Variants in SGCZ observed in about 807,000 individuals in gnomAD.
SGCZ encodes the protein zeta-sarcoglycan.
In SGCZ, 40 loss-of-function variants were observed where a neutral mutation model predicts 41.3. The ratio of observed to expected loss-of-function variants is 0.97; its 90% CI spans 0.75 to 1.26. SGCZ has a LOEUF of 1.26. SGCZ is among the 50% of genes most tolerant of loss of function. The pLI is 0.00. For missense variants in SGCZ, 552 were observed against 369.8 expected (o/e 1.49, Z -4.04); for synonymous variants, 206 against 137.5 (o/e 1.50, Z -3.49).
At chr8:14,582,869 T>G (rs546757343) in intron 1 of SGCZ, among the ~76,000 whole-genome samples, 2 of 151,604 alleles carry the variant, frequency 1.3e-5, no homozygotes, top group Non-Finnish European at 2.9e-5. Flanking sequence ...TAGTATTCCA[T>G]GGTGTATATG....
At chr8:14,189,576 G>T (rs1036694748) in intron 4 of SGCZ, among the ~76,000 whole-genome samples, 42 of 152,134 alleles carry the variant, frequency 2.8e-4, no homozygotes, top group African/African-American at 1.0e-3. Flanking sequence ...TTTGCTCATT[G>T]TTTTATTTAG....
intron 4 of SGCZ, among the ~76,000 whole-genome samples, chr8:14,181,849 G>C (rs373588657): frequency 1.3e-5 from 2 of 152,132 alleles, no homozygotes; most frequent in East Asian, 1.9e-4. Flanking sequence ...TTAGCAGCCT[G>C]AGAACAGACT....
intron 1 of SGCZ, among the ~76,000 whole-genome samples, chr8:14,619,218 A>C (rs1426756772): frequency 2.0e-5 from 3 of 152,106 alleles, no homozygotes; most frequent in Non-Finnish European, 4.4e-5. Flanking sequence ...GATGCAGAAA[A>C]GGCCTTTGAC....
chr8:14,283,135 C>T (rs906099008), intron 3 of SGCZ, among the ~76,000 whole-genome samples: 1 of 151,958 alleles, frequency 6.6e-6, no homozygotes, highest in Admixed American at 6.6e-5. Context: ...AAGTGTGAGC[C>T]ACTGTGCCCA....
At chr8:14,108,704 C>A (rs995200198) in intron 5 of SGCZ, among the ~76,000 whole-genome samples, 8 of 151,924 alleles carry the variant, frequency 5.3e-5, no homozygotes, top group Non-Finnish European at 1.0e-4. Context: ...AGAGCCAAAC[C>A]GTATCACAGG....
At chr8:14,591,359 A>G (rs1805234265) in intron 1 of SGCZ, among the ~76,000 whole-genome samples, 1 of 151,976 alleles carries the variant, frequency 6.6e-6, no homozygotes, top group South Asian at 2.1e-4. Context: ...AAATGAATTG[A>G]TATGTTATTA....
intron 1 of SGCZ, among the ~76,000 whole-genome samples, chr8:14,938,972 C>T (rs1800176966): frequency 6.6e-6 from 1 of 152,090 alleles, no homozygotes; most frequent in African/African-American, 2.4e-5. Context: ...CCAAGACTGC[C>T]TCAGTGTCTT....
chr8:14,104,494 C>T (rs186349461), intron 6 of SGCZ, among the ~76,000 whole-genome samples: 59 of 151,932 alleles, frequency 3.9e-4, no homozygotes, highest in African/African-American at 1.3e-3. Context: ...AGAATTCAGA[C>T]TTTAAAACAA....
chr8:14,197,280 T>C (rs1267641063), intron 4 of SGCZ, among the ~76,000 whole-genome samples: 3 of 152,114 alleles, frequency 2.0e-5, no homozygotes, highest in Non-Finnish European at 4.4e-5. Context: ...AAGGGAACAC[T>C]TCACAACTTA....
chr8:14,565,368 G>T (rs534101144), intron 1 of SGCZ, among the ~76,000 whole-genome samples: 9 of 151,380 alleles, frequency 5.9e-5, no homozygotes, highest in Non-Finnish European at 1.3e-4. Context: ...TTTTAACTTT[G>T]AAATCATTTC....
At chr8:14,877,226 C>A (rs1804397779) in intron 1 of SGCZ, among the ~76,000 whole-genome samples, 3 of 152,082 alleles carry the variant, frequency 2.0e-5, no homozygotes, top group South Asian at 4.1e-4. Flanking sequence ...CCAGCCTTAG[C>A]CTCTCAAAGT....
chr8:14,179,480 G>A (rs897145383), intron 4 of SGCZ, among the ~76,000 whole-genome samples: 1 of 152,182 alleles, frequency 6.6e-6, no homozygotes, highest in Non-Finnish European at 1.5e-5. Context: ...CATCCCCACT[G>A]TCTGTCACAG....
chr8:14,983,682 A>G (rs780944946), intron 1 of SGCZ, among the ~76,000 whole-genome samples: 3 of 152,084 alleles, frequency 2.0e-5, no homozygotes, highest in Non-Finnish European at 2.9e-5. Flanking sequence ...TATTCCTTTG[A>G]GGTGAATTCT....
At chr8:15,173,784 G>A (rs1269091582) in intron 1 of SGCZ, among the ~76,000 whole-genome samples, 1 of 152,116 alleles carries the variant, frequency 6.6e-6, no homozygotes, top group African/African-American at 2.4e-5. Flanking sequence ...ACACCACCCA[G>A]GCTGAAATGC....
At chr8:14,445,352 G>T (rs1800400733) in intron 2 of SGCZ, among the ~76,000 whole-genome samples, 1 of 152,038 alleles carries the variant, frequency 6.6e-6, no homozygotes, top group Non-Finnish European at 1.5e-5. Context: ...AACTACCTAA[G>T]GCCTAACCCA....
chr8:14,402,770 G>A (rs1425220899), intron 2 of SGCZ, among the ~76,000 whole-genome samples: 12 of 147,642 alleles, frequency 8.1e-5, no homozygotes, highest in Non-Finnish European at 1.3e-4. Context: ...TTGGCCATGC[G>A]GGCTCTTTTT....
chr8:15,237,448 G>T, intron 1 of SGCZ, 137 bp downstream of exon 1: 1 of 1,029,030 alleles, frequency 9.7e-7, no homozygotes, highest in Non-Finnish European at 1.4e-6. Context: ...GCGCCCGGGT[G>T]CGCGTCCCCC....
chr8:14,874,181 G>A (rs1018921432), intron 1 of SGCZ, among the ~76,000 whole-genome samples: 2 of 152,118 alleles, frequency 1.3e-5, no homozygotes, highest in Non-Finnish European at 2.9e-5. Context: ...AGTATGCTCT[G>A]TAATAGGACT....
chr8:14,385,972 A>G (rs1022515007), intron 2 of SGCZ, among the ~76,000 whole-genome samples: 4 of 152,158 alleles, frequency 2.6e-5, no homozygotes, highest in Admixed American at 1.3e-4. Flanking sequence ...TTATAATACC[A>G]AATACAATGT....
Sources: gnomAD v4.1 joint callset for allele counts (sites outside exome capture counted in the v4.1 genomes callset) on GRCh38, gnomAD v4.1.1 for gene constraint, MANE v1.5 for transcripts, NCBI Gene and HGNC (gene_info 2026-07-23, HGNC 2026-07-21) for gene names.